Variants in DOP1B observed in about 807,000 individuals in gnomAD.
The protein encoded by DOP1B is DOP1 leucine zipper like protein B.
Under a neutral mutation model 233.5 loss-of-function variants are expected in DOP1B, and 174 were observed. That is an observed-to-expected ratio of 0.75 (90% CI 0.66 to 0.85). The LOEUF (loss-of-function observed/expected upper bound fraction) is 0.85, where lower values mean the gene tolerates loss of function less well. DOP1B is among the 40% of genes least tolerant of loss of function. The pLI is 0.00. For missense variants in DOP1B, 2,652 were observed against 2,846.6 expected (o/e 0.93, Z 1.56); for synonymous variants, 1,190 against 1,185.6 (o/e 1.00, Z -0.08).
At chr21:36,255,122 G>T (rs2067078291) in intron 23 of DOP1B, among the ~76,000 whole-genome samples, 1 of 150,442 alleles carries the variant, frequency 6.6e-6, no homozygotes, top group Non-Finnish European at 1.5e-5. Context: ...GCTAACTTTT[G>T]GTTTTGTTTT....
rs992400615 is a variant in DOP1B, at chr21:36,225,815, A to G, written c.1473+148A>G. Reference sequence around the variant, plus strand: ...TGATGTTTGTTTTGGCATAAAAGATATAGCTGGATGTAATCTCTTAAATTT... The same window carrying G: ...TGATGTTTGTTTTGGCATAAAAGATGTAGCTGGATGTAATCTCTTAAATTT... On this transcript the variant is annotated intron_variant, in intron 12 of 36. Transcript: ENST00000691173. The G allele has an allele frequency of 2.6e-5, 22 of 857,446 alleles. No homozygotes were observed. The Admixed American group carries it at 5.7e-4, about 22-fold the overall frequency. The allele number at this position is 857,446 out of a possible 1,614,324, so 53.1% of individuals were successfully genotyped here. A position where few individuals can be genotyped will look rare whatever the true frequency, so the allele number is the denominator to read the frequency against.
chr21:36,240,118 T>G (rs2066876488), intron 18 of DOP1B, among the ~76,000 whole-genome samples, 163 bp downstream of exon 18: 1 of 152,192 alleles, frequency 6.6e-6, no homozygotes, highest in Admixed American at 6.5e-5. Flanking sequence ...CCTAGTGATC[T>G]AGCATTTAGA....
intron 9 of DOP1B, among the ~76,000 whole-genome samples, chr21:36,217,252 G>A (rs1382522794): frequency 6.6e-6 from 1 of 152,162 alleles, no homozygotes; most frequent in East Asian, 1.9e-4. Flanking sequence ...TTAGAGGGAA[G>A]GGGAGACTCC....
At chr21:36,223,740 G>A (rs1448190426) in intron 11 of DOP1B, among the ~76,000 whole-genome samples, 1 of 152,156 alleles carries the variant, frequency 6.6e-6, no homozygotes, top group Admixed American at 6.5e-5. Context: ...TGAAATGAAT[G>A]TAACTGGTCA....
Position 36,199,116 on chromosome 21 carries a change from T to G in DOP1B, c.185T>G (p.Leu62Arg), listed in dbSNP as rs1403740988. The part of the protein sequence containing the change: ...LRYSLLPRRL[L>R]ISKRLAQCLH... ...TACTCCTTGTTGCCAAGACGGCTCCTCATCAGCAAAAGATTAGCTCAGTGT... is the reference window on the plus strand; with the variant it reads ...TACTCCTTGTTGCCAAGACGGCTCCGCATCAGCAAAAGATTAGCTCAGTGT... Residue 62 changes from leucine to arginine, a missense_variant, in exon 3 of 37, where the codon CTC (leucine) becomes CGC (arginine). By Grantham distance (102) the Leu-to-Arg change is moderately radical (BLOSUM62 -2). Around this residue, in one of 3 missense-constraint regions of DOP1B, gnomAD observed 2,617 missense variants for 2,794.3 expected, o/e 0.94. Coordinates refer to ENST00000691173, the MANE Select transcript of DOP1B (RefSeq NM_001320714.2). 6.2e-7 allele frequency: 1 copy of G among 1,614,146 alleles called. No individual in the cohort carries two copies.
rs2067511228 is a variant in DOP1B at position 36,288,125 on chromosome 21, T to C, written c.6272T>C (p.Leu2091Ser). 1.2e-6 allele frequency: 2 copies of C among 1,614,074 alleles called. No individual in the cohort carries two copies. Among genetic ancestry groups the C allele is most frequent in the Non-Finnish European group, 8.5e-7 (1 of 1,180,004 alleles). Residue 2091 changes from leucine to serine, a missense_variant, in exon 33 of 37, where the codon TTG (leucine) becomes TCG (serine). Coordinates refer to ENST00000691173, the MANE Select transcript of DOP1B (RefSeq NM_001320714.2). The part of the protein sequence containing the change: ...LRISPQHLTS[L>S]WPIMVSELIQ... The stretch of plus-strand genomic sequence containing the variant: ...ATATCTCCTCAACATTTGACTTCAT[T>C]GTGGCCAATAATGGTCTCTGAATTG...
chr21:36,165,966 C>T (rs2065907556), intron 2 of DOP1B, among the ~76,000 whole-genome samples: 1 of 151,656 alleles, frequency 6.6e-6, no homozygotes, highest in Non-Finnish European at 1.5e-5. Context: ...ATCCACCCAC[C>T]TCGGCCTCCC....
chr21:36,201,342 A>ATTTTTTTTTTTT (rs1187890925), intron 4 of DOP1B, among the ~76,000 whole-genome samples: 2 of 46,940 alleles, frequency 4.3e-5, no homozygotes, highest in Non-Finnish European at 7.9e-5. Context: ...TATCTATTGG[A>ATTTTTTTTTTTT]TTCTTTTTTT....
chr21:36,293,655 A>T lies in DOP1B; in HGVS notation c.*84A>T, dbSNP rs532282939. ...TATTCTAAAGAAGAAAGAAGGCAGG[A>T]TAGTGCTTTTGAACAAGCCTATTTC... On this transcript the variant is annotated 3_prime_UTR_variant, in exon 37 of 37. Coordinates refer to ENST00000691173, the MANE Select transcript of DOP1B (RefSeq NM_001320714.2). 7 of 1,465,752 alleles carry T rather than the reference A, an allele frequency of 4.8e-6. No homozygotes were observed. The highest frequency in any genetic ancestry group is 2.2e-4 in the Middle Eastern group (1 of 4,504). 90.8% of individuals were successfully genotyped at this position (1,465,752 alleles called of 1,614,324 possible).
At chr21:36,180,684 C>G (rs958179435) in intron 2 of DOP1B, among the ~76,000 whole-genome samples, 1 of 152,148 alleles carries the variant, frequency 6.6e-6, no homozygotes, top group Non-Finnish European at 1.5e-5. Flanking sequence ...AGTTCGAGAC[C>G]AGCCTGGCCA....
intron 20 of DOP1B, 102 bp from the exon 21 acceptor site, chr21:36,248,278 G>A (rs2066991983): frequency 8.1e-7 from 1 of 1,237,268 alleles, no homozygotes; most frequent in Non-Finnish European, 1.1e-6. Flanking sequence ...TTAGAAGAGA[G>A]TCCAACAGCC....
chr21:36,258,533 G>A (rs147192728), intron 23 of DOP1B, among the ~76,000 whole-genome samples: 20 of 152,204 alleles, frequency 1.3e-4, no homozygotes, highest in African/African-American at 4.6e-4. Flanking sequence ...CAGATGAATC[G>A]GAAGACTTTT....
At chr21:36,238,919 A>G (rs1474350513) in intron 17 of DOP1B, among the ~76,000 whole-genome samples, 2 of 152,294 alleles carry the variant, frequency 1.3e-5, no homozygotes, top group East Asian at 3.9e-4. Context: ...CCTGGCCAAC[A>G]TGGTGAAACC....
At chr21:36,280,967 A>C (rs1419501893) in intron 31 of DOP1B, among the ~76,000 whole-genome samples, 2 of 151,834 alleles carry the variant, frequency 1.3e-5, no homozygotes, top group South Asian at 4.2e-4. Flanking sequence ...GTGCCACTGC[A>C]CTCCAGCCTG....
intron 27 of DOP1B, among the ~76,000 whole-genome samples, chr21:36,271,857 G>T (rs1051718757): frequency 6.6e-6 from 1 of 152,086 alleles, no homozygotes; most frequent in Admixed American, 6.5e-5. Context: ...ATCAAGCTGG[G>T]AGGGTTGGCT....
chr21:36,181,833 A>ACGCACTGAT (rs11269603), intron 2 of DOP1B, among the ~76,000 whole-genome samples: 66,721 of 151,958 alleles, frequency 0.44, 16,136 homozygotes, highest in African/African-American at 0.66. Flanking sequence ...CTCACCTTCC[A>ACGCACTGAT]TTTAATGGAA....
chr21:36,250,998 TC>T (rs1414096410), intron 21 of DOP1B, among the ~76,000 whole-genome samples, 163 bp from the exon 22 acceptor site: 1 of 152,152 alleles, frequency 6.6e-6, no homozygotes, highest in Non-Finnish European at 1.5e-5. Context: ...GTTTGATTCC[TC>T]CCATTGCTGG....
intron 10 of DOP1B, 118 bp downstream of exon 10, chr21:36,219,610 G>A: frequency 7.1e-7 from 1 of 1,399,514 alleles, no homozygotes. Flanking sequence ...GATGCAGCAG[G>A]TGAGACCATT....
intron 2 of DOP1B, among the ~76,000 whole-genome samples, chr21:36,172,152 G>A (rs1177774652): frequency 6.6e-6 from 1 of 152,146 alleles, no homozygotes; most frequent in Non-Finnish European, 1.5e-5. Flanking sequence ...AGTGACCAGA[G>A]ATACAGCAGG....
Sources: allele counts gnomAD v4.1 joint callset (sites outside exome capture counted in the v4.1 genomes callset), GRCh38; gene constraint gnomAD v4.1.1; regional missense constraint gnomAD v4.1.1; transcripts MANE v1.5; gene names NCBI Gene and HGNC (gene_info 2026-07-23, HGNC 2026-07-21).